The following PROSER1 variants were observed in gnomAD, a reference collection of about 807,000 sequenced individuals.
PROSER1 encodes the protein proline and serine-rich protein 1.
Under a neutral mutation model 71.8 loss-of-function variants are expected in PROSER1, and 36 were observed. The ratio of observed to expected loss-of-function variants is 0.50; its 90% CI spans 0.38 to 0.66. The LOEUF (loss-of-function observed/expected upper bound fraction) is 0.66. Among genes scored for constraint, PROSER1 ranks in the 30% least tolerant of loss-of-function variants. The pLI is 0.00. For synonymous variants in PROSER1, 490 were observed against 452.4 expected, an observed-to-expected ratio of 1.08 and a Z score of -1.06; for missense variants, 1,107 against 1,135.0, an observed-to-expected ratio of 0.98 and a Z score of 0.35.
intron 9 of PROSER1, 81 bp downstream of exon 9, chr13:39,022,245 C>T (rs1325113541): frequency 1.8e-5 from 17 of 930,866 alleles, no homozygotes; most frequent in African/African-American, 6.5e-5. Flanking sequence ...TGTTAGAATA[C>T]GTCATGCCAA....
Position 39,022,231 on chromosome 13 carries a change from CCT to C in PROSER1, c.730+93_730+94del, listed in dbSNP as rs368525340. ...CCTTCAGACTCTTGAGCTTGTGTTC[CCT>C]CTGTTAGAATACGTCATGCCAAACA... On this transcript the variant is annotated intron_variant, in intron 9 of 12. Coordinates refer to ENST00000352251, the MANE Select transcript of PROSER1 (RefSeq NM_025138.5). The C allele has an allele frequency of 8.4e-4, 699 of 833,302 alleles. 10 individuals are homozygous for C. In the South Asian group the frequency reaches 9.5e-3, roughly 11 times the overall value. 51.6% of individuals were successfully genotyped at this position (833,302 alleles called of 1,614,324 possible). A position where few individuals can be genotyped will look rare whatever the true frequency, so the allele number is the denominator to read the frequency against.
intron 9 of PROSER1, 106 bp from the exon 10 acceptor site, chr13:39,017,650 T>G: frequency 1.5e-6 from 1 of 651,494 alleles, no homozygotes; most frequent in South Asian, 2.0e-5. Context: ...TAAATATTTA[T>G]GGACTATGTT....
In PROSER1 at chr13:39,022,484, G is replaced by C; in HGVS notation, c.644-72C>G. On this transcript the variant is annotated intron_variant, in intron 8 of 12. Transcript: ENST00000352251. ...GTGACTGGTATTGTTCTGTGACTAG[G>C]AGTTCAAACTATATTAATGCAGCTA... The C allele has an allele frequency of 3.1e-6, 3 of 971,650 alleles. No homozygotes were observed. The South Asian group carries it at 3.9e-5, about 13-fold the overall frequency. The allele number at this position is 971,650 out of a possible 1,614,324, so 60.2% of individuals were successfully genotyped here. A position where few individuals can be genotyped will look rare whatever the true frequency, so the allele number is the denominator to read the frequency against.
In PROSER1 at chr13:39,037,340, TGAG is replaced by T. The variant is rs1871165477; in HGVS notation, c.-101_-99del. On this transcript the variant is annotated 5_prime_UTR_variant, in exon 1 of 13. Coordinates refer to ENST00000352251, the MANE Select transcript of PROSER1 (RefSeq NM_025138.5). ...GCCGATAGTAAAAAATATTTATAGC[TGAG>T]GAGGAAAAAGACTCCACGAGCAAGA... The T allele has an allele frequency of 3.3e-6, 3 of 911,260 alleles. No homozygotes were observed. The highest frequency in any genetic ancestry group is 1.9e-5 in the Admixed American group (1 of 52,532). 56.4% of individuals were successfully genotyped at this position (911,260 alleles called of 1,614,324 possible). A position where few individuals can be genotyped will look rare whatever the true frequency, so the allele number is the denominator to read the frequency against.
intron 3 of PROSER1, among the ~76,000 whole-genome samples, chr13:39,029,672 C>A (rs1304834575): frequency 1.3e-5 from 2 of 152,022 alleles, no homozygotes; most frequent in African/African-American, 4.8e-5. Context: ...GTATTACTTT[C>A]CTCAGAAAGG....
At chr13:39,011,508 T>C (rs1345985531) in intron 12 of PROSER1, 21 bp from the exon 13 acceptor site, 31 of 1,612,304 alleles carry the variant, frequency 1.9e-5, no homozygotes, top group African/African-American at 4.0e-5. Context: ...GAAGAGCGTG[T>C]GGTTTAGCAG....
At chr13:39,030,326 G>A (rs911702453) in intron 3 of PROSER1, among the ~76,000 whole-genome samples, 1 of 152,166 alleles carries the variant, frequency 6.6e-6, no homozygotes, top group Non-Finnish European at 1.5e-5. Flanking sequence ...TCAGTCTTCA[G>A]TGAGAAAACA....
chr13:39,011,985 G>A (rs906156759), intron 12 of PROSER1, 98 bp downstream of exon 12: 17 of 1,261,542 alleles, frequency 1.3e-5, no homozygotes, highest in Non-Finnish European at 1.8e-5. Context: ...GCCATTTTTT[G>A]CCAATGTTGG....
chr13:39,024,659 G>A, intron 6 of PROSER1, 103 bp from the exon 7 acceptor site: 1 of 805,746 alleles, frequency 1.2e-6, no homozygotes, highest in South Asian at 1.8e-5. Context: ...AAAGGACTTG[G>A]TAAGAGTGTA....
intron 10 of PROSER1, among the ~76,000 whole-genome samples, chr13:39,016,519 C>T (rs1252247126): frequency 6.6e-6 from 1 of 152,180 alleles, no homozygotes; most frequent in Non-Finnish European, 1.5e-5. Flanking sequence ...ATGCTAACAT[C>T]GTACAACATA....
rs1401808001 is a variant in PROSER1 at position 39,013,425 on chromosome 13, A to G, written c.1827T>C (p.Thr609=). ...AATTLPVMIK[T]EPTSPTPSAF... is the part of the protein sequence containing the mutation. ...CCGAGGGAGTAGGACTTGTGGGCTC[A>G]GTTTTGATCATAACAGGAAGAGTTG... Residue 609 remains threonine (T), a synonymous_variant, in exon 11 of 13, where the codon ACT becomes ACC. Transcript: ENST00000352251. 1 of 1,614,166 alleles carries G rather than the reference A, an allele frequency of 6.2e-7. No homozygotes were observed. The highest frequency in any genetic ancestry group is 8.5e-7 in the Non-Finnish European group (1 of 1,180,022).
At chr13:39,012,028 A>G in intron 12 of PROSER1, 55 bp downstream of exon 12, 1 of 1,557,802 alleles carries the variant, frequency 6.4e-7, no homozygotes, top group Non-Finnish European at 8.8e-7. Context: ...TGTTATCACT[A>G]CAGAAGTTAG....
intron 9 of PROSER1, among the ~76,000 whole-genome samples, chr13:39,019,469 T>C (rs1268043888): frequency 7.0e-6 from 1 of 143,250 alleles, no homozygotes; most frequent in Non-Finnish European, 1.5e-5. Flanking sequence ...TGAGCCGACA[T>C]TGCGCCACTG....
intron 6 of PROSER1, among the ~76,000 whole-genome samples, chr13:39,025,199 G>A (rs1870490463): frequency 6.6e-6 from 1 of 152,252 alleles, no homozygotes; most frequent in South Asian, 2.1e-4. Flanking sequence ...AAGATTAAGT[G>A]TGATTATTTA....
intron 8 of PROSER1, 62 bp from the exon 9 acceptor site, chr13:39,022,474 C>A: frequency 1.8e-6 from 2 of 1,106,360 alleles, no homozygotes; most frequent in South Asian, 2.5e-5. Context: ...TGGTATTGTT[C>A]TGTGACTAGG....
chr13:39,018,808 A>G (rs529328147), intron 9 of PROSER1, among the ~76,000 whole-genome samples: 111 of 152,260 alleles, frequency 7.3e-4, no homozygotes, highest in Non-Finnish European at 1.3e-3. Context: ...AACGAAAACA[A>G]AATTTTCCTA....
rs746137326 is a variant in PROSER1, at chr13:39,028,313, T to G, written c.283A>C (p.Ile95Leu). 3.0e-5 allele frequency: 48 copies of G among 1,577,154 alleles called. No homozygotes were observed. The highest frequency in any genetic ancestry group is 1.7e-4 in the Middle Eastern group (1 of 5,996). The part of the protein sequence containing the change: ...VALELLASNI[I>L]DAQNSRPIED... ...ATAGGACGAGAATTCTGTGCATCAA[T>G]AATGTTCCTACCAAGAAAACACAAT... Residue 95 changes from isoleucine (I) to leucine (L), a missense_variant, in exon 5 of 13, where the codon ATT (isoleucine) becomes CTT (leucine). Coordinates refer to ENST00000352251, the MANE Select transcript of PROSER1 (RefSeq NM_025138.5).
In PROSER1 at chr13:39,029,324, T is replaced by C. The variant is rs1197030563; in HGVS notation, c.232A>G (p.Thr78Ala). 1 of 1,550,390 alleles carries C rather than the reference T, an allele frequency of 6.4e-7. No homozygotes were observed. Among genetic ancestry groups the C allele is most frequent in the Non-Finnish European group, 8.6e-7 (1 of 1,156,314 alleles). ...TEVVNILNCFTFSKDKLVALE... is the reference protein window; with the variant it reads ...TEVVNILNCFAFSKDKLVALE... ...GCAACTAGTTTGTCTTTACTGAAAG[T>C]GAAACAGTTGAGTATATTGACCACT... Residue 78 changes from threonine to alanine, a missense_variant, in exon 4 of 13, where the codon ACT becomes GCT. Physicochemically the swap from Thr to Ala is moderately conservative, Grantham distance 58. Transcript: ENST00000352251.
intron 2 of PROSER1, among the ~76,000 whole-genome samples, chr13:39,033,432 G>A (rs1870953670): frequency 6.6e-6 from 1 of 152,092 alleles, no homozygotes; most frequent in Admixed American, 6.5e-5. Context: ...AACTCAATTG[G>A]AGCATTTACT....
Sources: allele counts gnomAD v4.1 joint callset (sites outside exome capture counted in the v4.1 genomes callset), GRCh38; gene constraint gnomAD v4.1.1; transcripts MANE v1.5; gene names NCBI Gene and HGNC (gene_info 2026-07-23, HGNC 2026-07-21).